The following TTLL5 variants were observed in gnomAD, a reference collection of about 807,000 sequenced individuals.
TTLL5 encodes the protein tubulin polyglutamylase TTLL5.
A neutral mutation model predicts 168.4 loss-of-function variants in TTLL5; 132 were observed. That is an observed-to-expected ratio of 0.78 (90% CI 0.68 to 0.91). The LOEUF is 0.91. Among genes scored for constraint, TTLL5 ranks in the 40% least tolerant of loss-of-function variants. TTLL5 has a pLI of 0.00. For synonymous variants in TTLL5, 546 were observed against 558.6 expected (o/e 0.98, Z 0.32); for missense variants, 1,545 against 1,581.5 (o/e 0.98, Z 0.39).
At chr14:75,669,569 A>G in intron 3 of TTLL5, 47 bp downstream of exon 3, 1 of 1,539,666 alleles carries the variant, frequency 6.5e-7, no homozygotes, top group Non-Finnish European at 8.9e-7. Context: ...CATGGCCCAG[A>G]CGTCCTTGTC....
At chr14:75,683,514 G>C in intron 4 of TTLL5, 36 bp from the exon 5 acceptor site, 1 of 1,523,300 alleles carries the variant, frequency 6.6e-7, no homozygotes, top group South Asian at 1.1e-5. Context: ...TATCTCTGAT[G>C]TTTTTTTGCC....
Position 75,764,622 on chromosome 14 carries a change from G to A in TTLL5, c.1558G>A (p.Ala520Thr), listed in dbSNP as rs752219731. The change falls in exon 19 of 32, where the codon GCT becomes ACT. Residue 520 changes from alanine (A) to threonine (T), a missense_variant. Ala to Thr is a moderately conservative substitution (Grantham distance 58, BLOSUM62 0). Transcript: ENST00000298832. The part of the protein sequence containing the change: ...ATRLFQDRMT[A>T]DGAPELKIES... ...ATGTTGCTTTTCCCCTAGAATGACT[G>A]CTGATGGAGCGCCAGAATTGAAGAT... 7.4e-6 allele frequency: 12 copies of A among 1,614,074 alleles called. No homozygotes were observed. Among genetic ancestry groups the A allele is most frequent in the Non-Finnish European group, 1.0e-5 (12 of 1,179,942 alleles).
chr14:75,854,069 A>G (rs746468972), intron 28 of TTLL5, among the ~76,000 whole-genome samples: 4 of 152,024 alleles, frequency 2.6e-5, no homozygotes, highest in Non-Finnish European at 4.4e-5. Context: ...GAAAATATAT[A>G]TATATTTTAC....
At chr14:75,682,327 C>T (rs865950571) in intron 4 of TTLL5, among the ~76,000 whole-genome samples, 1 of 151,954 alleles carries the variant, frequency 6.6e-6, no homozygotes, top group South Asian at 2.1e-4. Context: ...GATATAGGAA[C>T]AGGAGTCTTC....
At chr14:75,839,975 A>C (rs565974595) in intron 28 of TTLL5, among the ~76,000 whole-genome samples, 1 of 152,314 alleles carries the variant, frequency 6.6e-6, no homozygotes, top group South Asian at 2.1e-4. Context: ...CCCTCAACAG[A>C]TATATGATTT....
At chr14:75,704,619 G>T (rs1375482119) in intron 7 of TTLL5, among the ~76,000 whole-genome samples, 1 of 152,208 alleles carries the variant, frequency 6.6e-6, no homozygotes, top group Non-Finnish European at 1.5e-5. Flanking sequence ...TTTGAGCTTT[G>T]AATTGGAATA....
At chr14:75,906,560 T>C in intron 31 of TTLL5, 2 of 985,888 alleles carry the variant, frequency 2.0e-6, no homozygotes, top group South Asian at 4.7e-5. Context: ...TTCAGGATCT[T>C]TGGATACTCC....
intron 15 of TTLL5, among the ~76,000 whole-genome samples, chr14:75,739,893 T>C (rs1446196293): frequency 6.6e-6 from 1 of 152,242 alleles, no homozygotes; most frequent in East Asian, 1.9e-4. Context: ...AGATCTCTTG[T>C]TATTTTGATA....
rs150952578 is a variant in TTLL5 at position 75,771,507 on chromosome 14, A to G, written c.2016-227A>G. 4.6e-5 allele frequency among the ~76,000 whole-genome samples: 7 copies of G among 152,352 alleles called. No individual in the cohort carries two copies. The East Asian group carries it at 1.3e-3, about 29-fold the overall frequency. ...TTTTCCCTTATGCTAATAATGAGAA[A>G]ATAAATAGGATTCTCCATCTCTGAT... On this transcript the variant is annotated intron_variant, in intron 20 of 31. Coordinates refer to ENST00000298832, the MANE Select transcript of TTLL5 (RefSeq NM_015072.5).
chr14:75,714,877 C>A (rs1887322983), intron 9 of TTLL5, among the ~76,000 whole-genome samples: 1 of 152,190 alleles, frequency 6.6e-6, no homozygotes, highest in Admixed American at 6.5e-5. Context: ...AGACCCTGGC[C>A]ATGAGCAGAG....
At position 75,909,289 on chromosome 14, in the gene TTLL5, G is replaced by A. The variant is rs552859510; in HGVS notation, c.3823+7065G>A. On this transcript the variant is annotated intron_variant, in intron 31 of 31. Coordinates refer to ENST00000298832, the MANE Select transcript of TTLL5 (RefSeq NM_015072.5). ...CCAAAATTTCCCCTGCCCTAAAATC[G>A]TCTCAGGGCCAGGTACCAGGCAACT... is the stretch of plus-strand genomic sequence containing the variant. Among the ~76,000 whole-genome samples the A allele has an allele frequency of 4.1e-4, 60 of 147,022 alleles. No individual in the cohort carries two copies. The Middle Eastern group carries it at 0.01, about 25-fold the overall frequency.
intron 12 of TTLL5, among the ~76,000 whole-genome samples, chr14:75,722,986 A>G (rs1269235239): frequency 6.6e-6 from 1 of 151,540 alleles, no homozygotes; most frequent in Non-Finnish European, 1.5e-5. Context: ...TACCCCCAGC[A>G]CTCTGTTTGT....
Position 75,772,754 on chromosome 14 carries a change from G to A in TTLL5, c.2136+900G>A, listed in dbSNP as rs768440139. ...GCGATCTCAGCTCACTGCAACCTCC[G>A]CTTCCTGGGTTCAAGCTATTCTCCT... On this transcript the variant is annotated intron_variant, in intron 21 of 31. Transcript: ENST00000298832. Among the ~76,000 whole-genome samples the A allele has an allele frequency of 2.7e-5, 4 of 150,444 alleles. No individual in the cohort carries two copies. The South Asian group carries it at 6.3e-4, about 24-fold the overall frequency.
At chr14:75,721,725 C>T (rs1887849229) in intron 12 of TTLL5, among the ~76,000 whole-genome samples, 3 of 152,096 alleles carry the variant, frequency 2.0e-5, no homozygotes, top group African/African-American at 7.2e-5. Flanking sequence ...GCACGCAAAG[C>T]ACTTGACACA....
At chr14:75,932,536 C>T (rs1197461057) in intron 31 of TTLL5, among the ~76,000 whole-genome samples, 1 of 152,068 alleles carries the variant, frequency 6.6e-6, no homozygotes, top group Non-Finnish European at 1.5e-5. Flanking sequence ...AGAATGTTAA[C>T]AGGCCATTTT....
chr14:75,745,236 G>A, intron 16 of TTLL5, 28 bp downstream of exon 16: 1 of 1,606,420 alleles, frequency 6.2e-7, no homozygotes, highest in Non-Finnish European at 8.5e-7. Context: ...TTAGGCTTTT[G>A]TGGGTTAACA....
At chr14:75,759,326 T>C (rs1212663718) in intron 18 of TTLL5, among the ~76,000 whole-genome samples, 1 of 152,158 alleles carries the variant, frequency 6.6e-6, no homozygotes, top group African/African-American at 2.4e-5. Context: ...ACACCCAAAC[T>C]GATACCAGCT....
At chr14:75,777,063 A>G (rs2140319869) in intron 23 of TTLL5, among the ~76,000 whole-genome samples, 1 of 152,326 alleles carries the variant, frequency 6.6e-6, no homozygotes, top group South Asian at 2.1e-4. Context: ...CTTGGGCAAC[A>G]TAGTGAGACC....
intron 27 of TTLL5, among the ~76,000 whole-genome samples, chr14:75,801,374 A>G (rs1191553795): frequency 6.6e-6 from 1 of 152,194 alleles, no homozygotes; most frequent in Non-Finnish European, 1.5e-5. Context: ...CCTGGGGTGC[A>G]TAAGATATTT....
Sources: gnomAD v4.1 joint callset for allele counts (sites outside exome capture counted in the v4.1 genomes callset) on GRCh38, gnomAD v4.1.1 for gene constraint, MANE v1.5 for transcripts, NCBI Gene and HGNC (gene_info 2026-07-23, HGNC 2026-07-21) for gene names.